KSR2: variants seen among roughly 807,000 people sequenced by gnomAD.
KSR2 encodes the protein kinase suppressor of ras 2.
KSR2 carries 25 observed loss-of-function variants against 107.8 expected under a neutral mutation model. The observed-to-expected ratio is 0.23, with a 90% CI of 0.17 to 0.32. The LOEUF is 0.32. Among genes scored for constraint, KSR2 ranks in the 10% least tolerant of loss-of-function variants. The probability of loss-of-function intolerance (pLI) is 1.00; values close to 1 mark genes in which losing one functional copy is unlikely to be tolerated. For synonymous variants in KSR2, 480 were observed against 507.0 expected (o/e 0.95, Z 0.71); for missense variants, 887 against 1,268.9 (o/e 0.70, Z 4.57).
chr12:117,849,036 G>A (rs1892821497), intron 3 of KSR2, among the ~76,000 whole-genome samples: 1 of 152,140 alleles, frequency 6.6e-6, no homozygotes, highest in Non-Finnish European at 1.5e-5. Flanking sequence ...CAGCTAATAG[G>A]TGGCAGAGCC....
intron 5 of KSR2, among the ~76,000 whole-genome samples, chr12:117,591,385 G>T (rs1880304553): frequency 1.3e-5 from 2 of 152,162 alleles, no homozygotes; most frequent in Non-Finnish European, 2.9e-5. Flanking sequence ...AGAAGAGGAA[G>T]AAATGCCCCT....
intron 3 of KSR2, among the ~76,000 whole-genome samples, chr12:117,845,104 C>T (rs953485589): frequency 1.1e-4 from 16 of 152,188 alleles, no homozygotes; most frequent in African/African-American, 3.9e-4. Context: ...CAAGATAGCA[C>T]CACTGCACTC....
chr12:117,587,408 A>C (rs375094217), intron 5 of KSR2, among the ~76,000 whole-genome samples: 6 of 152,090 alleles, frequency 3.9e-5, no homozygotes, highest in African/African-American at 1.4e-4. Context: ...GTTTTGAAGG[A>C]GGAGGGGGGA....
chr12:117,831,524 A>C (rs1891966547), intron 3 of KSR2, among the ~76,000 whole-genome samples: 1 of 152,214 alleles, frequency 6.6e-6, no homozygotes, highest in South Asian at 2.1e-4. Context: ...GTTGAAAGCA[A>C]GGGGGAGAAA....
chr12:117,751,424 A>C (rs1888608224), intron 4 of KSR2, among the ~76,000 whole-genome samples: 1 of 152,194 alleles, frequency 6.6e-6, no homozygotes, highest in Non-Finnish European at 1.5e-5. Flanking sequence ...CCCTGGGTTA[A>C]CTTTCTAGCT....
In KSR2 at chr12:117,811,842, A is replaced by G. The variant is rs182263626; in HGVS notation, c.472+43586T>C. ...AAGCTCTACTTAGAGTCACCTGCTT[A>G]GAAAAGAAGATGTTTTGGAGGTTCT... On this transcript the variant is annotated intron_variant, in intron 3 of 19. Transcript: ENST00000339824. Among the ~76,000 whole-genome samples, 199 of 152,354 alleles carry G rather than the reference A, an allele frequency of 1.3e-3. 2 individuals carry two copies. Among genetic ancestry groups the G allele is most frequent in the African/African-American group, 4.6e-3 (190 of 41,584 alleles).
intron 3 of KSR2, among the ~76,000 whole-genome samples, chr12:117,829,293 T>C (rs1185662837): frequency 1.3e-5 from 2 of 152,182 alleles, no homozygotes; most frequent in Non-Finnish European, 2.9e-5. Flanking sequence ...AACCAATTGG[T>C]AACTTTCTGG....
At chr12:117,507,587 G>A (rs996859379) in intron 14 of KSR2, among the ~76,000 whole-genome samples, 2 of 152,206 alleles carry the variant, frequency 1.3e-5, no homozygotes, top group African/African-American at 4.8e-5. Flanking sequence ...CAAGGGCCGT[G>A]AAGGCTGGCT....
chr12:117,762,154 T>C (rs1030348461), intron 3 of KSR2, among the ~76,000 whole-genome samples: 2 of 152,240 alleles, frequency 1.3e-5, no homozygotes, highest in African/African-American at 4.8e-5. Context: ...AAGTTAATTC[T>C]CACTTTTTGA....
chr12:117,575,152 C>G (rs1879195873), intron 7 of KSR2, among the ~76,000 whole-genome samples: 1 of 152,160 alleles, frequency 6.6e-6, no homozygotes, highest in Non-Finnish European at 1.5e-5. Flanking sequence ...TACTGTCTGC[C>G]CAACTCCTAC....
At chr12:117,962,725 G>A (rs914675369) in intron 1 of KSR2, among the ~76,000 whole-genome samples, 47 of 149,494 alleles carry the variant, frequency 3.1e-4, no homozygotes, top group Admixed American at 5.4e-4. Context: ...GATTACAGGC[G>A]TGAGCCACTG....
chr12:117,592,115 C>T (rs570819619), intron 5 of KSR2, among the ~76,000 whole-genome samples: 6 of 151,726 alleles, frequency 4.0e-5, no homozygotes, highest in Non-Finnish European at 8.8e-5. Flanking sequence ...ATCGCTTTCC[C>T]CCCAACTTTT....
chr12:117,912,303 T>C (rs1895040030), intron 1 of KSR2, among the ~76,000 whole-genome samples: 1 of 152,228 alleles, frequency 6.6e-6, no homozygotes. Context: ...TCTCTGACCC[T>C]GCTTAATGCT....
chr12:117,866,205 G>T (rs2570556), intron 1 of KSR2, among the ~76,000 whole-genome samples: 51,331 of 151,706 alleles, frequency 0.34, 9,845 homozygotes, highest in African/African-American at 0.52. Context: ...CCTGGCATGG[G>T]CCACCACACC....
intron 19 of KSR2, 80 bp downstream of exon 19, chr12:117,469,582 A>G: frequency 6.6e-7 from 1 of 1,526,316 alleles, no homozygotes. Context: ...GAGGAGTAAA[A>G]AAGATGCAGA....
intron 4 of KSR2, among the ~76,000 whole-genome samples, chr12:117,760,733 C>T (rs915473114): frequency 3.9e-5 from 6 of 152,182 alleles, no homozygotes; most frequent in Admixed American, 3.9e-4. Context: ...TGATCATGGG[C>T]GTGTTCCAAT....
At chr12:117,472,224 A>G (rs981781089) in intron 17 of KSR2, among the ~76,000 whole-genome samples, 9 of 152,362 alleles carry the variant, frequency 5.9e-5, no homozygotes, top group Non-Finnish European at 1.3e-4. Context: ...ACTCCATGCT[A>G]GGATTATTCT....
chr12:117,582,532 G>T (rs1283581296), intron 5 of KSR2, among the ~76,000 whole-genome samples, 173 bp from the exon 6 acceptor site: 2 of 152,212 alleles, frequency 1.3e-5, no homozygotes, highest in African/African-American at 2.4e-5. Flanking sequence ...CTCAACTGAC[G>T]CAAGGGCCCC....
intron 16 of KSR2, among the ~76,000 whole-genome samples, chr12:117,479,941 A>G (rs2137131063): frequency 6.6e-6 from 1 of 152,306 alleles, no homozygotes; most frequent in Middle Eastern, 3.4e-3. Flanking sequence ...GAGCTGTTGC[A>G]AGGATTAAAA....
Sources: allele counts gnomAD v4.1 joint callset (sites outside exome capture counted in the v4.1 genomes callset), GRCh38; gene constraint gnomAD v4.1.1; transcripts MANE v1.5; gene names NCBI Gene and HGNC (gene_info 2026-07-23, HGNC 2026-07-21).